The following SMG6 variants were observed in gnomAD, a reference collection of about 807,000 sequenced individuals.
The protein encoded by SMG6 is SMG6 nonsense mediated mRNA decay factor, also known as telomerase-binding protein EST1A.
In SMG6, 66 loss-of-function variants were observed where a neutral mutation model predicts 142.2. That is an observed-to-expected ratio of 0.46 (90% CI 0.38 to 0.57). SMG6 has a LOEUF of 0.57. Ranked by LOEUF, SMG6 falls within the 20% of genes least tolerant of loss-of-function variation. The pLI is 0.00. For synonymous variants in SMG6, 779 were observed against 702.4 expected (o/e 1.11, Z -1.72); for missense variants, 1,793 against 1,832.0 (o/e 0.98, Z 0.39).
In SMG6 at chr17:2,060,175, G is replaced by A. The variant is rs2067732146; in HGVS notation, c.*1317C>T. 1 of 152,344 alleles carries A rather than the reference G, an allele frequency of 6.6e-6. No homozygotes were observed. The highest frequency in any genetic ancestry group is 1.5e-5 in the Non-Finnish European group (1 of 68,148). 9.4% of individuals were successfully genotyped at this position (152,344 alleles called of 1,614,324 possible). On this transcript the variant is annotated 3_prime_UTR_variant, in exon 19 of 19. Transcript: ENST00000263073. Reference sequence around the variant, plus strand: ...ATGGGCTCTGGGGTATCCCCCACTGGTCCCATTAAGATTTGCCCCTGGCTC... The same window carrying A: ...ATGGGCTCTGGGGTATCCCCCACTGATCCCATTAAGATTTGCCCCTGGCTC...
intron 15 of SMG6, among the ~76,000 whole-genome samples, chr17:2,076,020 A>G (rs11651929): frequency 0.11 from 16,818 of 152,278 alleles, 1,029 homozygotes; most frequent in African/African-American, 0.15. Flanking sequence ...CCATGCTCAC[A>G]GAAGAGCTTA....
chr17:2,127,926 C>T (rs1025476996), intron 13 of SMG6: 40 of 564,688 alleles, frequency 7.1e-5, no homozygotes, highest in Non-Finnish European at 1.3e-4. Flanking sequence ...GTACCTGGAC[C>T]AATGCAGACA....
intron 13 of SMG6, among the ~76,000 whole-genome samples, chr17:2,093,490 G>A (rs993346530): frequency 6.6e-6 from 1 of 152,146 alleles, no homozygotes; most frequent in Admixed American, 6.5e-5. Flanking sequence ...CCCAGTAGGT[G>A]CTCGATAATT....
At chr17:2,138,199 G>A (rs913163949) in intron 13 of SMG6, among the ~76,000 whole-genome samples, 8 of 151,860 alleles carry the variant, frequency 5.3e-5, no homozygotes, top group Non-Finnish European at 1.0e-4. Flanking sequence ...AAAAATATAC[G>A]GTAAAGGTAG....
intron 16 of SMG6, among the ~76,000 whole-genome samples, chr17:2,066,833 T>C (rs1276657289): frequency 6.6e-6 from 1 of 152,208 alleles, no homozygotes; most frequent in Non-Finnish European, 1.5e-5. Flanking sequence ...CAAAATCTGC[T>C]TTCCTGCTTC....
intron 13 of SMG6, among the ~76,000 whole-genome samples, chr17:2,122,163 A>C (rs1777476921): frequency 6.6e-6 from 1 of 152,160 alleles, no homozygotes; most frequent in Non-Finnish European, 1.5e-5. Flanking sequence ...GGGTGGATAG[A>C]TGGGGGAAGA....
At chr17:2,223,707 C>T (rs767798491) in intron 10 of SMG6, among the ~76,000 whole-genome samples, 1 of 152,126 alleles carries the variant, frequency 6.6e-6, no homozygotes, top group Non-Finnish European at 1.5e-5. Flanking sequence ...ATCTTTCTTC[C>T]CCACCCAATT....
At chr17:2,110,842 C>G (rs186354896) in intron 13 of SMG6, among the ~76,000 whole-genome samples, 2 of 152,158 alleles carry the variant, frequency 1.3e-5, no homozygotes, top group African/African-American at 4.8e-5. Context: ...GGGTCATCAA[C>G]AAATTTGAAG....
At chr17:2,155,530 A>G (rs950820296) in intron 13 of SMG6, among the ~76,000 whole-genome samples, 1 of 152,236 alleles carries the variant, frequency 6.6e-6, no homozygotes, top group African/African-American at 2.4e-5. Context: ...TTACATGACC[A>G]TAAGGAGCAA....
At chr17:2,289,298 G>A (rs1404881822) in intron 6 of SMG6, among the ~76,000 whole-genome samples, 3 of 152,040 alleles carry the variant, frequency 2.0e-5, no homozygotes, top group African/African-American at 7.2e-5. Flanking sequence ...ACTCATGCCT[G>A]TAATCTCAGC....
chr17:2,094,798 G>A (rs1354507239), intron 13 of SMG6: 1 of 152,224 alleles, frequency 6.6e-6, no homozygotes, highest in Non-Finnish European at 1.5e-5. Context: ...AATTTCCTGA[G>A]CTTAGATGTT....
chr17:2,150,960 G>A (rs778465768), intron 13 of SMG6, among the ~76,000 whole-genome samples: 19 of 152,002 alleles, frequency 1.2e-4, no homozygotes, highest in African/African-American at 2.2e-4. Flanking sequence ...TTCCTATGGC[G>A]TGCTGCCGCC....
chr17:2,201,233 G>T, intron 10 of SMG6, among the ~76,000 whole-genome samples: 1 of 152,122 alleles, frequency 6.6e-6, no homozygotes, highest in Non-Finnish European at 1.5e-5. Context: ...TGGCAAGTAG[G>T]TACATGAAAA....
intron 13 of SMG6, among the ~76,000 whole-genome samples, chr17:2,090,172 G>A (rs1446931841): frequency 3.3e-5 from 4 of 120,416 alleles, no homozygotes; most frequent in African/African-American, 1.3e-4. Context: ...AACAAGGCGA[G>A]ACTCTGTCTC....
At chr17:2,179,783 G>A (rs1042862666) in intron 12 of SMG6, among the ~76,000 whole-genome samples, 87 of 152,286 alleles carry the variant, frequency 5.7e-4, no homozygotes, top group African/African-American at 2.0e-3. Context: ...AAGAGACTCT[G>A]GCTTGGCACT....
At chr17:2,069,110 A>G (rs890094609) in intron 15 of SMG6, among the ~76,000 whole-genome samples, 179 bp from the exon 16 acceptor site, 1 of 152,172 alleles carries the variant, frequency 6.6e-6, no homozygotes, top group Admixed American at 6.5e-5. Flanking sequence ...TAGCACTGCA[A>G]TAAAAACAGA....
In SMG6 at chr17:2,300,273, G is replaced by A. The variant is rs2075249620; in HGVS notation, c.480C>T (p.Ala160=). Residue 160 remains alanine (A), a synonymous_variant, in exon 2 of 19, where the codon GCC becomes GCT. Coordinates refer to ENST00000263073, the MANE Select transcript of SMG6 (RefSeq NM_017575.5). ...RRLQTVSKES[A]SRVEEEEVLN... ...GGACTTCTTCCTCCTCCACCCGACT[G>A]GCGGATTCTTTGCTAACAGTCTGCA... 2.5e-6 allele frequency: 4 copies of A among 1,614,008 alleles called. No homozygotes were observed. The African/African-American group carries it at 4.0e-5, about 16-fold the overall frequency.
At chr17:2,079,669 G>A (rs1302443008) in intron 15 of SMG6, among the ~76,000 whole-genome samples, 3 of 152,044 alleles carry the variant, frequency 2.0e-5, no homozygotes, top group Non-Finnish European at 4.4e-5. Context: ...TCATGCACAA[G>A]TTTACATGTA....
intron 13 of SMG6, among the ~76,000 whole-genome samples, chr17:2,110,969 C>A (rs1419641145): frequency 6.6e-6 from 1 of 152,168 alleles, no homozygotes; most frequent in Non-Finnish European, 1.5e-5. Flanking sequence ...ATCTGAAGGC[C>A]GCTACGCCCA....
Sources: allele counts gnomAD v4.1 joint callset (sites outside exome capture counted in the v4.1 genomes callset), GRCh38; gene constraint gnomAD v4.1.1; transcripts MANE v1.5; gene names NCBI Gene and HGNC (gene_info 2026-07-23, HGNC 2026-07-21).